GSDMB: variants seen among roughly 807,000 people sequenced by gnomAD.
GSDMB encodes the protein gasdermin-B.
A neutral mutation model predicts 42.9 loss-of-function variants in GSDMB; 32 were observed. The ratio of observed to expected loss-of-function variants is 0.75; its 90% CI spans 0.56 to 1.00. GSDMB has a LOEUF of 1.00. Among genes scored for constraint, GSDMB ranks in the 50% least tolerant of loss-of-function variants. The probability of loss-of-function intolerance (pLI) is 0.00; values close to 1 mark genes in which losing one functional copy is unlikely to be tolerated. For missense variants in GSDMB, 468 were observed against 498.5 expected (o/e 0.94, Z 0.58); for synonymous variants, 175 against 193.7 (o/e 0.90, Z 0.80).
intron 2 of GSDMB, among the ~76,000 whole-genome samples, chr17:39,914,400 T>C (rs554360070): frequency 5.3e-5 from 8 of 152,208 alleles, no homozygotes; most frequent in African/African-American, 1.9e-4. Flanking sequence ...TAAGGAGACA[T>C]GACAACGAAA....
At chr17:39,906,798 G>A in intron 7 of GSDMB, 163 bp downstream of exon 7, 1 of 1,472,790 alleles carries the variant, frequency 6.8e-7, no homozygotes, top group African/African-American at 1.4e-5. Flanking sequence ...ACTGTGTTTA[G>A]AGGAGACAGA....
At chr17:39,907,279 C>A (rs1568101619) in intron 6 of GSDMB, 10 of 1,016,380 alleles carry the variant, frequency 9.8e-6, no homozygotes, top group Non-Finnish European at 1.1e-5. Context: ...TTGGGTCAGA[C>A]TTCTCTATCC....
In GSDMB at chr17:39,917,182, A is replaced by G. The variant is rs1281243777; in HGVS notation, c.135T>C (p.Thr45=). 22 of 1,614,046 alleles carry G rather than the reference A, an allele frequency of 1.4e-5. No individual in the cohort carries two copies. Among genetic ancestry groups the G allele is most frequent in the Non-Finnish European group, 1.9e-5 (22 of 1,180,014 alleles). The change falls in exon 2 of 11, where the codon ACT becomes ACC. Residue 45 remains threonine (T), a synonymous_variant. Transcript: ENST00000418519. Reference sequence around the variant, plus strand: ...TTGTGTAGTGCCGGCATCCAAAGAAAGTTCTCTTCTCCCCCACCAGATGGA... The same window carrying G: ...TTGTGTAGTGCCGGCATCCAAAGAAGGTTCTCTTCTCCCCCACCAGATGGA... The part of the protein sequence containing the change: ...RCFHLVGEKR[T]FFGCRHYTTG...
chr17:39,906,952 C>T lies in GSDMB; in HGVS notation c.727+9G>A, dbSNP rs755846376. On this transcript the variant is annotated intron_variant, in intron 7 of 10. Coordinates refer to ENST00000418519, the MANE Select transcript of GSDMB (RefSeq NM_001165958.2). The stretch of plus-strand genomic sequence containing the variant: ...AGCCACCCTGAACACACTTGGCTAT[C>T]ACCCTTACCTAAACAGGATGAAGCA... 1 of 1,613,904 alleles carries T rather than the reference C, an allele frequency of 6.2e-7. No homozygotes were observed. The highest frequency in any genetic ancestry group is 8.5e-7 in the Non-Finnish European group (1 of 1,179,966).
At chr17:39,906,428 T>C in intron 7 of GSDMB, 157 bp from the exon 8 acceptor site, 1 of 915,508 alleles carries the variant, frequency 1.1e-6, no homozygotes, top group Non-Finnish European at 1.6e-6. Flanking sequence ...TCTTCCAAGA[T>C]ACCTACCATC....
intron 2 of GSDMB, among the ~76,000 whole-genome samples, chr17:39,915,416 G>A (rs2063692332): frequency 6.6e-6 from 1 of 152,190 alleles, no homozygotes; most frequent in African/African-American, 2.4e-5. Context: ...TTTCACCTCT[G>A]CCTCCGAATT....
rs776240501 is a variant in GSDMB at position 39,912,410 on chromosome 17, C to A, written c.323G>T (p.Gly108Val). 10 of 1,612,858 alleles carry A rather than the reference C, an allele frequency of 6.2e-6. No individual in the cohort carries two copies. The South Asian group carries it at 1.1e-4, about 18-fold the overall frequency. The change falls in exon 3 of 11, where the codon GGC becomes GTC. Residue 108 changes from glycine to valine, a missense_variant. Coordinates refer to ENST00000418519, the MANE Select transcript of GSDMB (RefSeq NM_001165958.2). ...CTGATGGTGGAAGCCCTGGAAACTG[C>A]CTGAAATTGTTATTTCTTTGGGTAA... is the stretch of plus-strand genomic sequence containing the variant. ...VRLPKEITIS[G>V]SFQGFHHQKI...
chr17:39,905,737 C>T, intron 9 of GSDMB, 110 bp downstream of exon 9: 1 of 1,244,062 alleles, frequency 8.0e-7, no homozygotes, highest in Non-Finnish European at 1.1e-6. Flanking sequence ...GGAGTGCCCC[C>T]CATAAACTGT....
intron 1 of GSDMB, chr17:39,917,541 C>T (rs1472047002): frequency 3.9e-6 from 2 of 512,282 alleles, no homozygotes; most frequent in Admixed American, 6.4e-5. Context: ...GACATTCCAC[C>T]ATTGTGATTT....
intron 6 of GSDMB, 46 bp from the exon 7 acceptor site, chr17:39,907,033 A>C: frequency 6.2e-7 from 1 of 1,613,148 alleles, no homozygotes; most frequent in Non-Finnish European, 8.5e-7. Context: ...GATCACCTCC[A>C]GTCCCCTGCA....
chr17:39,905,977 C>T lies in GSDMB; in HGVS notation c.897G>A (p.Glu299=). 6.2e-7 allele frequency: 1 copy of T among 1,613,982 alleles called. No homozygotes were observed. The highest frequency in any genetic ancestry group is 1.1e-5 in the South Asian group (1 of 91,082). ...TGTGTAGCTCCCCGGAAATCAGGACCTCAGATACCTAGGGCCAGGAAGTGT... is the reference window on the plus strand; with the variant it reads ...TGTGTAGCTCCCCGGAAATCAGGACTTCAGATACCTAGGGCCAGGAAGTGT... ...IRQDLEQRVS[E]VLISGELHME... is the part of the protein sequence containing the mutation. Residue 299 remains glutamate, a synonymous_variant, in exon 9 of 11, where the codon GAG becomes GAA. Transcript: ENST00000418519.
intron 10 of GSDMB, 194 bp downstream of exon 10, chr17:39,905,232 A>G: frequency 1.6e-6 from 1 of 607,710 alleles, no homozygotes; most frequent in African/African-American, 1.8e-5. Context: ...GATAAAAAAC[A>G]GAGCCTAAAG....
chr17:39,905,384 C>T (rs767053207), intron 10 of GSDMB, 42 bp downstream of exon 10: 1 of 1,363,658 alleles, frequency 7.3e-7, no homozygotes, highest in Admixed American at 1.9e-5. Flanking sequence ...TATGGGCATT[C>T]CCTTCCACTA....
chr17:39,907,254 A>T, intron 6 of GSDMB: 3 of 1,254,448 alleles, frequency 2.4e-6, no homozygotes, highest in Non-Finnish European at 3.0e-6. Context: ...GCATACACTC[A>T]GTCGCTCCGC....
Position 39,904,686 on chromosome 17 carries a change from CA to C in GSDMB, c.*125del. 1 of 751,556 alleles carries C rather than the reference CA, an allele frequency of 1.3e-6. No individual in the cohort carries two copies. Among genetic ancestry groups the C allele is most frequent in the East Asian group, 2.6e-5 (1 of 39,180 alleles). 46.6% of individuals were successfully genotyped at this position (751,556 alleles called of 1,614,324 possible). A position where few individuals can be genotyped will look rare whatever the true frequency, so the allele number is the denominator to read the frequency against. ...TTAACATGGAGCGAATGGGATACATCAAAGAATGGTTGGCTGCTTGTTTTAA... is the reference window on the plus strand; with the variant it reads ...TTAACATGGAGCGAATGGGATACATCAAGAATGGTTGGCTGCTTGTTTTAA... On this transcript the variant is annotated 3_prime_UTR_variant, in exon 11 of 11. Coordinates refer to ENST00000418519, the MANE Select transcript of GSDMB (RefSeq NM_001165958.2).
In GSDMB at chr17:39,917,284, A is replaced by G; in HGVS notation, c.33T>C (p.Ile11=). Residue 11 remains isoleucine (I), a synonymous_variant, in exon 2 of 11, where the codon ATT becomes ATC. Transcript: ENST00000418519. ...CTCCAGCATCCATCTCCTTAACTAC[A>G]ATTCTTGTGATTTCCTCAAATACGC... MFSVFEEITR[I]VVKEMDAGGD... is the part of the protein sequence containing the mutation. The G allele has an allele frequency of 6.2e-7, 1 of 1,613,382 alleles. No individual in the cohort carries two copies.
rs2063476027 is a variant in GSDMB, at chr17:39,904,879, CAG to C, written c.1182_1183del (p.Leu397ValfsTer12). ...GATAGAGACAACAACATACAGCGCA[CAG>C]AGAATTCGTGCCTCAGGGTCATAGT... On this transcript the variant is annotated frameshift_variant, in exon 11 of 11. Transcript: ENST00000418519. LOFTEE classifies it low-confidence loss of function (END_TRUNC). 1.9e-6 allele frequency: 3 copies of C among 1,613,664 alleles called. No individual in the cohort carries two copies. Among genetic ancestry groups the C allele is most frequent in the Non-Finnish European group, 2.5e-6 (3 of 1,179,734 alleles).
chr17:39,911,903 TCTA>T (rs2063615969), intron 3 of GSDMB, among the ~76,000 whole-genome samples: 1 of 151,476 alleles, frequency 6.6e-6, no homozygotes. Context: ...GCCATTGCAC[TCTA>T]GCCTGGCCGA....
chr17:39,911,016 G>A (rs1406010047), intron 3 of GSDMB, among the ~76,000 whole-genome samples: 1 of 151,972 alleles, frequency 6.6e-6, no homozygotes, highest in Non-Finnish European at 1.5e-5. Flanking sequence ...AATAAAAAAG[G>A]GTGGCATGGG....
Sources: allele counts gnomAD v4.1 joint callset (sites outside exome capture counted in the v4.1 genomes callset), GRCh38; gene constraint gnomAD v4.1.1; transcripts MANE v1.5; gene names NCBI Gene and HGNC (gene_info 2026-07-23, HGNC 2026-07-21).